Variants in CLYBL observed in about 807,000 individuals in gnomAD.
The protein encoded by CLYBL is citramalyl-CoA lyase, mitochondrial.
CLYBL carries 31 observed loss-of-function variants against 38.9 expected under a neutral mutation model. The observed-to-expected ratio is 0.80, with a 90% confidence interval of 0.60 to 1.08. CLYBL has a LOEUF of 1.08. Ranked by LOEUF, CLYBL falls within the 50% of genes least tolerant of loss-of-function variation. CLYBL has a pLI of 0.00. For synonymous variants in CLYBL, 171 were observed against 158.6 expected (o/e 1.08, Z -0.59); for missense variants, 434 against 411.6 (o/e 1.05, Z -0.47).
chr13:99,822,948 T>C (rs1365331484), intron 2 of CLYBL, among the ~76,000 whole-genome samples: 1 of 152,222 alleles, frequency 6.6e-6, no homozygotes, highest in African/African-American at 2.4e-5. Context: ...CTATGTAAGA[T>C]GAGGATTGAG....
intron 2 of CLYBL, among the ~76,000 whole-genome samples, chr13:99,817,672 AAG>A (rs201814632): frequency 0.022 from 3,007 of 138,698 alleles, 107 homozygotes; most frequent in South Asian, 0.12. Flanking sequence ...AAAAAAAAAA[AAG>A]AAAAGAAAAA....
At chr13:99,887,720 T>G (rs2152129211) in intron 7 of CLYBL, among the ~76,000 whole-genome samples, 1 of 152,298 alleles carries the variant, frequency 6.6e-6, no homozygotes, top group Non-Finnish European at 1.5e-5. Context: ...GCCACTGCAC[T>G]CCAGCCTGGG....
chr13:99,865,192 A>T lies in CLYBL; in HGVS notation c.634+281A>T. The T allele has an allele frequency of 2.4e-6, 1 of 415,584 alleles. No individual in the cohort carries two copies. The allele number at this position is 415,584 out of a possible 1,614,324, so 25.7% of individuals were successfully genotyped here. The stretch of plus-strand genomic sequence containing the variant: ...CAGCCCCAGGCATGCTCAGGAATAT[A>T]TGGCATCTCCTTTGCTCCTAATAAA... On this transcript the variant is annotated intron_variant, in intron 5 of 8. Coordinates refer to ENST00000339105, the MANE Select transcript of CLYBL (RefSeq NM_206808.5). This position sits in a 1 kb window ranked among gnomAD's most constrained non-coding sequence, Gnocchi z 4.7.
rs530563428 is a variant in CLYBL, at chr13:99,784,936, G to A, written c.249+11926G>A. 7.9e-5 allele frequency among the ~76,000 whole-genome samples: 12 copies of A among 152,064 alleles called. No homozygotes were observed. In the South Asian group the frequency reaches 8.3e-4, roughly 11 times the overall value. On this transcript the variant is annotated intron_variant, in intron 2 of 8. Transcript: ENST00000339105. Reference sequence around the variant, plus strand: ...ACAAGAGTCTTACTCTGTCGCCCAGGCTTGGGGTGCAATGGTGCGATCTCT... The same window carrying A: ...ACAAGAGTCTTACTCTGTCGCCCAGACTTGGGGTGCAATGGTGCGATCTCT...
At chr13:99,655,040 A>C (rs909055026) in intron 1 of CLYBL, among the ~76,000 whole-genome samples, 5 of 150,672 alleles carry the variant, frequency 3.3e-5, no homozygotes, top group African/African-American at 1.2e-4. Context: ...CTAAGAACCC[A>C]TGGGAGTGAT....
intron 1 of CLYBL, among the ~76,000 whole-genome samples, chr13:99,729,692 A>G (rs561825485): frequency 6.6e-6 from 1 of 152,194 alleles, no homozygotes; most frequent in Admixed American, 6.5e-5. Flanking sequence ...GTCAATTAGC[A>G]AATGATGGTC....
At chr13:99,899,983 GTGGTGAGATAT>G (rs2052623345), downstream of CLYBL, among the ~76,000 whole-genome samples, 1 of 152,064 alleles carries the variant, frequency 6.6e-6, no homozygotes, top group Non-Finnish European at 1.5e-5. Context: ...CTGGAGTGTA[GTGGTGAGATAT>G]TGGCTCACTG....
At chr13:99,894,299 C>G (rs146849855), downstream of CLYBL, 1 of 152,232 alleles carries the variant, frequency 6.6e-6, no homozygotes, top group Non-Finnish European at 1.5e-5. Context: ...ACCCCCGACA[C>G]GGGGAAGTGA....
intron 2 of CLYBL, among the ~76,000 whole-genome samples, chr13:99,848,200 C>T (rs966651003): frequency 6.6e-6 from 1 of 152,152 alleles, no homozygotes; most frequent in East Asian, 1.9e-4. Context: ...GCTTGAGGTG[C>T]CGTCCCCTGC....
At chr13:99,837,034 T>C (rs2050955262) in intron 2 of CLYBL, among the ~76,000 whole-genome samples, 1 of 151,550 alleles carries the variant, frequency 6.6e-6, no homozygotes, top group Non-Finnish European at 1.5e-5. Flanking sequence ...AAACTTAAAG[T>C]ATAATAATTA....
At chr13:99,631,023 G>T (rs1436980525) in intron 1 of CLYBL, among the ~76,000 whole-genome samples, 1 of 152,122 alleles carries the variant, frequency 6.6e-6, no homozygotes, top group African/African-American at 2.4e-5. Context: ...TTACCAAAAA[G>T]ATATTAATAA....
At chr13:99,629,737 C>T (rs1311588396) in intron 1 of CLYBL, among the ~76,000 whole-genome samples, 3 of 152,116 alleles carry the variant, frequency 2.0e-5, no homozygotes, top group Non-Finnish European at 4.4e-5. Context: ...GAGAGGTGGC[C>T]CCAGCCCAGG....
chr13:99,711,391 G>A lies in CLYBL; in HGVS notation c.63-61433G>A, dbSNP rs143975344. 1.6e-3 allele frequency among the ~76,000 whole-genome samples: 236 copies of A among 147,358 alleles called. 2 individuals are homozygous for A. Among genetic ancestry groups the A allele is most frequent in the African/African-American group, 5.4e-3 (216 of 40,248 alleles). On this transcript the variant is annotated intron_variant, in intron 1 of 8. Transcript: ENST00000339105. ...TGCGTCCTCATATGACAGAAGGGGT[G>A]AGGGAGTCCGTCTTTTTTTTTTTTT... is the stretch of plus-strand genomic sequence containing the variant.
At chr13:99,768,192 C>CTTT (rs58499426) in intron 1 of CLYBL, among the ~76,000 whole-genome samples, 2,020 of 102,714 alleles carry the variant, frequency 0.02, 155 homozygotes, top group African/African-American at 0.061. Context: ...TTTTCTTTTT[C>CTTT]TTTTTTTTTT....
At chr13:99,785,122 A>C (rs2049758282) in intron 2 of CLYBL, among the ~76,000 whole-genome samples, 1 of 140,078 alleles carries the variant, frequency 7.1e-6, no homozygotes, top group Non-Finnish European at 1.5e-5. Context: ...CAAACTCCTG[A>C]CCTCAAGTGA....
intron 2 of CLYBL, among the ~76,000 whole-genome samples, chr13:99,836,141 T>C (rs530208560): frequency 6.6e-6 from 1 of 152,068 alleles, no homozygotes. Context: ...CTGGCGCTGC[T>C]TGGAGAAGCT....
At chr13:99,682,149 C>CT (rs1049976564) in intron 1 of CLYBL, among the ~76,000 whole-genome samples, 145 of 144,976 alleles carry the variant, frequency 1.0e-3, no homozygotes, top group African/African-American at 9.8e-4. Context: ...CTTTTCTTTT[C>CT]TTTTTTTTTT....
intron 1 of CLYBL, among the ~76,000 whole-genome samples, chr13:99,741,087 A>G (rs2139600178): frequency 6.6e-6 from 1 of 152,318 alleles, no homozygotes; most frequent in African/African-American, 2.4e-5. Context: ...TGCTTAGTTC[A>G]GTTTTGGGTA....
intron 7 of CLYBL, chr13:99,885,100 T>C: frequency 1.9e-6 from 1 of 529,836 alleles, no homozygotes; most frequent in Non-Finnish European, 3.9e-6. Context: ...GTCCTGGGAG[T>C]CAAAGGTACG....
Sources: gnomAD v4.1 joint callset for allele counts (sites outside exome capture counted in the v4.1 genomes callset) on GRCh38, gnomAD v4.1.1 for gene constraint, Gnocchi (gnomAD v3.1) non-coding constraint, MANE v1.5 for transcripts, NCBI Gene and HGNC (gene_info 2026-07-23, HGNC 2026-07-21) for gene names.